PHC3: variants seen among roughly 807,000 people sequenced by gnomAD.
PHC3 encodes polyhomeotic-like protein 3.
In PHC3, 13 loss-of-function variants were observed where a neutral mutation model predicts 107.4. That is an observed-to-expected ratio of 0.12 (90% CI 0.08 to 0.19). The LOEUF is 0.19. PHC3 is among the 10% of genes least tolerant of loss of function. The probability of loss-of-function intolerance (pLI) is 1.00; values close to 1 mark genes in which losing one functional copy is unlikely to be tolerated. For synonymous variants in PHC3, 456 were observed against 427.4 expected (o/e 1.07, Z -0.83); for missense variants, 992 against 1,210.9 (o/e 0.82, Z 2.68).
intron 5 of PHC3, 49 bp downstream of exon 5, chr3:170,149,037 A>G (rs767715751): frequency 1.3e-6 from 2 of 1,531,658 alleles, no homozygotes; most frequent in African/African-American, 2.7e-5. Context: ...AAACATTTTG[A>G]TCTCTCAAGT....
At chr3:170,135,053 A>C (rs1261587898) in intron 7 of PHC3, among the ~76,000 whole-genome samples, 1 of 152,202 alleles carries the variant, frequency 6.6e-6, no homozygotes, top group African/African-American at 2.4e-5. Flanking sequence ...CCTAAGTATA[A>C]AACAAGTCTT....
Position 170,178,980 on chromosome 3 carries a change from T to C in PHC3, c.15-42A>G. On this transcript the variant is annotated intron_variant, in intron 1 of 14. Transcript: ENST00000495893. ...AGTGTTTGTATTGGTAAAAGCATTA[T>C]CTTATGAGCTTTAAAGAATATTCAT... 2.0e-6 allele frequency: 3 copies of C among 1,513,380 alleles called. No homozygotes were observed. The South Asian group carries it at 3.6e-5, about 18-fold the overall frequency. 93.7% of individuals were successfully genotyped at this position (1,513,380 alleles called of 1,614,324 possible).
chr3:170,141,582 G>A (rs766363863), intron 6 of PHC3, among the ~76,000 whole-genome samples: 4 of 152,078 alleles, frequency 2.6e-5, no homozygotes, highest in African/African-American at 4.8e-5. Context: ...TGGTTTGTTT[G>A]TTTCACCTTG....
chr3:170,158,967 C>T (rs2108655384), intron 4 of PHC3, among the ~76,000 whole-genome samples: 1 of 146,752 alleles, frequency 6.8e-6, no homozygotes, highest in East Asian at 2.0e-4. Flanking sequence ...AAAATAAAAT[C>T]TGGGCCGGGC....
chr3:170,179,898 TTTTATCTC>T (rs1731104747), intron 1 of PHC3, among the ~76,000 whole-genome samples: 1 of 152,058 alleles, frequency 6.6e-6, no homozygotes, highest in Non-Finnish European at 1.5e-5. Context: ...ATTATACTGG[TTTTATCTC>T]CCTTTTCTTA....
intron 1 of PHC3, among the ~76,000 whole-genome samples, chr3:170,180,087 A>G (rs1045775345): frequency 1.3e-5 from 2 of 151,714 alleles, no homozygotes; most frequent in African/African-American, 4.8e-5. Context: ...TCTTTGTTCT[A>G]TATTACGTAT....
At chr3:170,165,985 A>AG (rs1386574384) in intron 4 of PHC3, among the ~76,000 whole-genome samples, 1 of 150,948 alleles carries the variant, frequency 6.6e-6, no homozygotes, top group Non-Finnish European at 1.5e-5. Context: ...AGAAATTAAA[A>AG]AAAAAAAAAA....
intron 8 of PHC3, among the ~76,000 whole-genome samples, chr3:170,126,438 A>G (rs1340043683): frequency 6.7e-6 from 1 of 149,828 alleles, no homozygotes; most frequent in Non-Finnish European, 1.5e-5. Flanking sequence ...AAAATGTTTT[A>G]AGGTAGAAGT....
At chr3:170,141,731 C>G (rs1027398275) in intron 6 of PHC3, among the ~76,000 whole-genome samples, 1 of 152,098 alleles carries the variant, frequency 6.6e-6, no homozygotes, top group Admixed American at 6.6e-5. Context: ...CCCACCTCAG[C>G]CCCCCAGGTA....
chr3:170,169,952 C>T (rs1311439031), intron 4 of PHC3: 3 of 151,790 alleles, frequency 2.0e-5, no homozygotes, highest in Admixed American at 6.6e-5. Context: ...AGCTAGGTTA[C>T]ATTATTTAAG....
rs993300285 is a variant in PHC3 at position 170,178,236 on chromosome 3, C to T, written c.180+537G>A. On this transcript the variant is annotated intron_variant, in intron 2 of 14. Coordinates refer to ENST00000495893, the MANE Select transcript of PHC3 (RefSeq NM_024947.4). ...TCCGCTCACTGCAAGCTCCGCCTTC[C>T]GGGTTCACGCCATTCTCCTGCCTCA... Among the ~76,000 whole-genome samples, 6 of 151,304 alleles carry T rather than the reference C, an allele frequency of 4.0e-5. No individual in the cohort carries two copies. The South Asian group carries it at 8.4e-4, about 21-fold the overall frequency.
At chr3:170,118,088 A>C (rs1024558525) in intron 9 of PHC3, among the ~76,000 whole-genome samples, 29 of 152,194 alleles carry the variant, frequency 1.9e-4, no homozygotes, top group African/African-American at 7.0e-4. Context: ...TTTATACTAA[A>C]ATGGTTGCTT....
At position 170,089,553 on chromosome 3, in the gene PHC3, T is replaced by G. The variant is rs1713854706; in HGVS notation, c.*7677A>C. On this transcript the variant is annotated 3_prime_UTR_variant, in exon 15 of 15. Transcript: ENST00000495893. ...CTTATTTTGTGTAATCTTTCTTAAT[T>G]TAAAAACAAAAAATAAATGAACAAG... is the stretch of plus-strand genomic sequence containing the variant. 1 of 152,150 alleles carries G rather than the reference T, an allele frequency of 6.6e-6. No homozygotes were observed. The highest frequency in any genetic ancestry group is 2.1e-4 in the South Asian group (1 of 4,826). The allele number at this position is 152,150 out of a possible 1,614,324, so 9.4% of individuals were successfully genotyped here.
In PHC3 at chr3:170,092,574, T is replaced by C. The variant is rs1714214424; in HGVS notation, c.*4656A>G. 1 of 152,216 alleles carries C rather than the reference T, an allele frequency of 6.6e-6. No homozygotes were observed. The allele number at this position is 152,216 out of a possible 1,614,324, so 9.4% of individuals were successfully genotyped here. On this transcript the variant is annotated 3_prime_UTR_variant, in exon 15 of 15. Transcript: ENST00000495893. ...AGGAAAGAGAAACCTATAGCTCTTC[T>C]TTTCCCAATTCTTAGACTGAGACAC...
At chr3:170,127,327 G>A (rs1721484862) in intron 8 of PHC3, among the ~76,000 whole-genome samples, 3 of 151,946 alleles carry the variant, frequency 2.0e-5, no homozygotes, top group Admixed American at 1.3e-4. Context: ...CACCACTCCC[G>A]GGTAATTTTT....
intron 10 of PHC3, 148 bp from the exon 11 acceptor site, chr3:170,113,667 T>C (rs916912245): frequency 7.2e-6 from 5 of 692,518 alleles, no homozygotes; most frequent in East Asian, 2.9e-5. Context: ...CCTTATTCCT[T>C]GGGAAAAGAT....
At chr3:170,164,725 T>A (rs916766419) in intron 4 of PHC3, among the ~76,000 whole-genome samples, 5 of 151,956 alleles carry the variant, frequency 3.3e-5, no homozygotes, top group African/African-American at 1.2e-4. Flanking sequence ...ACTTGGAGGG[T>A]GGAAATGAAG....
chr3:170,154,262 G>A (rs1434256888), intron 4 of PHC3, among the ~76,000 whole-genome samples: 1 of 152,034 alleles, frequency 6.6e-6, no homozygotes, highest in East Asian at 1.9e-4. Flanking sequence ...CATATTTTAA[G>A]GCATATTCAT....
At chr3:170,150,116 A>T (rs1270487637) in intron 4 of PHC3, among the ~76,000 whole-genome samples, 6 of 152,344 alleles carry the variant, frequency 3.9e-5, no homozygotes, top group South Asian at 4.1e-4. Context: ...GTTAAAAATT[A>T]AAAAAGAGCT....
Sources: allele counts gnomAD v4.1 joint callset (sites outside exome capture counted in the v4.1 genomes callset), GRCh38; gene constraint gnomAD v4.1.1; transcripts MANE v1.5; gene names NCBI Gene and HGNC (gene_info 2026-07-23, HGNC 2026-07-21).